The following FAM227A variants were observed in gnomAD, a reference collection of about 807,000 sequenced individuals.
FAM227A encodes protein FAM227A.
A neutral mutation model predicts 74.7 loss-of-function variants in FAM227A; 80 were observed. That is an observed-to-expected ratio of 1.07 (90% CI 0.89 to 1.29). FAM227A has a LOEUF of 1.29. Among genes scored for constraint, FAM227A ranks in the 50% most tolerant of loss-of-function variants. The pLI, the probability that FAM227A is intolerant of heterozygous loss-of-function variation, is 0.00. For synonymous variants in FAM227A, 237 were observed against 241.8 expected (o/e 0.98, Z 0.19); for missense variants, 654 against 683.4 (o/e 0.96, Z 0.48).
rs1440264133 is a variant in FAM227A at position 38,591,515 on chromosome 22, C to T, written c.1558G>A (p.Ala520Thr). The change falls in exon 16 of 17, where the codon GCA becomes ACA. Residue 520 changes from alanine (A) to threonine (T), a missense_variant. Physicochemically the swap from Ala to Thr is moderately conservative, Grantham distance 58 (BLOSUM62 0). Transcript: ENST00000535113. ...TGGTTTGCCTTTTTTGTATCTGCTGCTTTTGGATCAATATTCTTCATTTCC... is the reference window on the plus strand; with the variant it reads ...TGGTTTGCCTTTTTTGTATCTGCTGTTTTTGGATCAATATTCTTCATTTCC... ...SREMKNIDPK[A>T]ADTKKANHMF... The T allele has an allele frequency of 6.5e-7, 1 of 1,546,648 alleles. No individual in the cohort carries two copies. The highest frequency in any genetic ancestry group is 8.7e-7 in the Non-Finnish European group (1 of 1,145,290).
At chr22:38,642,551 T>C (rs1023104070) in intron 3 of FAM227A, among the ~76,000 whole-genome samples, 59 of 152,226 alleles carry the variant, frequency 3.9e-4, no homozygotes, top group African/African-American at 1.4e-3. Context: ...ATTTCTGCTC[T>C]GTGAAAAGAC....
chr22:38,582,640 T>C lies in FAM227A; in HGVS notation c.*3485A>G. 1.4e-6 allele frequency: 1 copy of C among 735,272 alleles called. No individual in the cohort carries two copies. Among genetic ancestry groups the C allele is most frequent in the South Asian group, 1.9e-5 (1 of 52,616 alleles). 45.5% of individuals were successfully genotyped at this position (735,272 alleles called of 1,614,324 possible). On this transcript the variant is annotated 3_prime_UTR_variant, in exon 17 of 17. Coordinates refer to ENST00000535113, the MANE Select transcript of FAM227A (RefSeq NM_001013647.2). ...AGTCCTCAGTCATTTCTGGAAAGGG[T>C]CCATGCAGGGATGATCTTGGACTGT...
intron 3 of FAM227A, among the ~76,000 whole-genome samples, chr22:38,645,050 G>A (rs1242713906): frequency 1.3e-5 from 2 of 149,610 alleles, no homozygotes; most frequent in African/African-American, 5.0e-5. Flanking sequence ...TCGCACCACT[G>A]CACTCCAGTC....
intron 1 of FAM227A, among the ~76,000 whole-genome samples, chr22:38,654,123 C>T (rs558436692): frequency 6.6e-6 from 1 of 151,928 alleles, no homozygotes; most frequent in Admixed American, 6.6e-5. Flanking sequence ...CCGAGGCAGG[C>T]GGATGACGAG....
At chr22:38,639,828 T>A in intron 3 of FAM227A, 104 bp from the exon 4 acceptor site, 1 of 799,048 alleles carries the variant, frequency 1.3e-6, no homozygotes, top group Non-Finnish European at 2.1e-6. Context: ...ACAAAAGACC[T>A]GGAGCAAAGT....
intron 3 of FAM227A, among the ~76,000 whole-genome samples, chr22:38,641,007 T>C (rs1225395104): frequency 6.6e-6 from 1 of 152,228 alleles, no homozygotes; most frequent in South Asian, 2.1e-4. Flanking sequence ...GCATGAGGAA[T>C]GAATTGGATG....
chr22:38,632,432 T>G (rs527736302), intron 6 of FAM227A, among the ~76,000 whole-genome samples: 1 of 152,196 alleles, frequency 6.6e-6, no homozygotes, highest in Non-Finnish European at 1.5e-5. Context: ...TTTCGCCCCC[T>G]CTCTTCCATC....
At chr22:38,627,076 ACT>A (rs1255241400) in intron 8 of FAM227A, among the ~76,000 whole-genome samples, 2 of 150,420 alleles carry the variant, frequency 1.3e-5, no homozygotes, top group South Asian at 2.1e-4. Flanking sequence ...GCAAAGCCAG[ACT>A]CTGTTTCTAG....
At chr22:38,593,891 C>T (rs1337827860) in intron 15 of FAM227A, among the ~76,000 whole-genome samples, 2 of 152,110 alleles carry the variant, frequency 1.3e-5, no homozygotes, top group Non-Finnish European at 2.9e-5. Flanking sequence ...GGGGTTTCAC[C>T]ATGTTGGCCC....
At chr22:38,623,469 G>A (rs1018688850) in intron 9 of FAM227A, among the ~76,000 whole-genome samples, 190 bp from the exon 10 acceptor site, 4 of 152,330 alleles carry the variant, frequency 2.6e-5, no homozygotes, top group Admixed American at 2.6e-4. Flanking sequence ...CTGCAAAAGA[G>A]GCCTGGGGAG....
intron 11 of FAM227A, among the ~76,000 whole-genome samples, chr22:38,612,499 C>G (rs1159422651): frequency 6.6e-6 from 1 of 152,156 alleles, no homozygotes; most frequent in African/African-American, 2.4e-5. Context: ...TCTTGGTTCT[C>G]AGCTCAAATG....
intron 1 of FAM227A, among the ~76,000 whole-genome samples, chr22:38,654,936 C>G (rs1246635839): frequency 6.8e-6 from 1 of 147,130 alleles, no homozygotes; most frequent in Non-Finnish European, 1.5e-5. Context: ...GGCGACAGTG[C>G]GAGACTCCAT....
intron 9 of FAM227A, among the ~76,000 whole-genome samples, chr22:38,624,565 G>A (rs2091758542): frequency 1.3e-5 from 2 of 152,168 alleles, no homozygotes; most frequent in Admixed American, 6.5e-5. Flanking sequence ...ATGGCTCGTT[G>A]TGCCTATACT....
At chr22:38,596,801 G>A (rs1003116987) in intron 15 of FAM227A, among the ~76,000 whole-genome samples, 5 of 152,014 alleles carry the variant, frequency 3.3e-5, no homozygotes, top group African/African-American at 9.7e-5. Context: ...TCCATAATAT[G>A]CTGCTAGTGG....
chr22:38,651,103 C>A (rs768711059), intron 1 of FAM227A, among the ~76,000 whole-genome samples: 14 of 152,170 alleles, frequency 9.2e-5, no homozygotes, highest in Non-Finnish European at 2.1e-4. Context: ...CTTCTTCCTG[C>A]TCCCTGACCA....
intron 8 of FAM227A, among the ~76,000 whole-genome samples, chr22:38,627,592 GAA>G (rs918087016): frequency 1.3e-5 from 2 of 151,402 alleles, no homozygotes; most frequent in African/African-American, 4.9e-5. Flanking sequence ...AATGGAAAGG[GAA>G]AGTTTTTTTT....
chr22:38,613,672 G>T (rs1411758368), intron 11 of FAM227A, among the ~76,000 whole-genome samples: 1 of 151,412 alleles, frequency 6.6e-6, no homozygotes, highest in Non-Finnish European at 1.5e-5. Context: ...CTAATCTCCA[G>T]CTGTGTTTCT....
intron 11 of FAM227A, among the ~76,000 whole-genome samples, chr22:38,616,650 G>C (rs544734658): frequency 9.3e-5 from 14 of 150,244 alleles, no homozygotes; most frequent in Non-Finnish European, 1.9e-4. Flanking sequence ...TGGGCTACAG[G>C]AGCGAAACTC....
At chr22:38,607,049 C>A (rs565815319) in intron 12 of FAM227A, among the ~76,000 whole-genome samples, 1 of 151,956 alleles carries the variant, frequency 6.6e-6, no homozygotes, top group Non-Finnish European at 1.5e-5. Context: ...TGGTAGCGCA[C>A]GCCTGTAGTC....
Sources: gnomAD v4.1 joint callset for allele counts (sites outside exome capture counted in the v4.1 genomes callset) on GRCh38, gnomAD v4.1.1 for gene constraint, MANE v1.5 for transcripts, NCBI Gene and HGNC (gene_info 2026-07-23, HGNC 2026-07-21) for gene names.